Variants in LCORL observed in about 807,000 individuals in gnomAD.
LCORL encodes the protein ligand-dependent nuclear receptor corepressor-like protein.
In LCORL, 41 loss-of-function variants were observed where a neutral mutation model predicts 141.8. That is an observed-to-expected ratio of 0.29 (90% CI 0.23 to 0.38). The LOEUF (loss-of-function observed/expected upper bound fraction) is 0.38, where lower values mean the gene tolerates loss of function less well. LCORL is among the 10% of genes least tolerant of loss of function. The probability of loss-of-function intolerance (pLI) is 1.00; values close to 1 mark genes in which losing one functional copy is unlikely to be tolerated. For synonymous variants in LCORL, 618 were observed against 694.1 expected (o/e 0.89, Z 1.72); for missense variants, 1,759 against 2,035.0 (o/e 0.86, Z 2.61).
At chr4:17,945,842 C>G (rs1738789949) in intron 4 of LCORL, among the ~76,000 whole-genome samples, 1 of 151,574 alleles carries the variant, frequency 6.6e-6, no homozygotes, top group Admixed American at 6.6e-5. Flanking sequence ...ATAATTGTCA[C>G]AGTAGTTTCA....
At chr4:17,905,190 T>A (rs2109311344) in intron 5 of LCORL, among the ~76,000 whole-genome samples, 1 of 152,228 alleles carries the variant, frequency 6.6e-6, no homozygotes, top group East Asian at 1.9e-4. Flanking sequence ...AGTGTGCATT[T>A]TTTGTGTTAT....
intron 7 of LCORL, among the ~76,000 whole-genome samples, chr4:17,851,376 G>C (rs1723687340): frequency 6.6e-6 from 1 of 152,046 alleles, no homozygotes; most frequent in Non-Finnish European, 1.5e-5. Context: ...CCATTTTATT[G>C]TCTATTCTTC....
intron 1 of LCORL, among the ~76,000 whole-genome samples, chr4:17,979,189 C>T (rs1717549822): frequency 6.6e-6 from 1 of 152,164 alleles, no homozygotes; most frequent in African/African-American, 2.4e-5. Context: ...CCACTGGGCT[C>T]TTTTTAGGCC....
At chr4:17,882,231 T>G (rs1430989661) in intron 6 of LCORL, 1 of 984,538 alleles carries the variant, frequency 1.0e-6, no homozygotes, top group Admixed American at 6.2e-5. Context: ...GTGCACTTAT[T>G]TTTTAAATTC....
chr4:17,848,781 G>T (rs906562904), intron 7 of LCORL, among the ~76,000 whole-genome samples: 1 of 152,206 alleles, frequency 6.6e-6, no homozygotes. Flanking sequence ...CCTAGTCAAA[G>T]AAAGGGGTGA....
chr4:17,895,775 A>G (rs1422599049), intron 5 of LCORL, among the ~76,000 whole-genome samples: 1 of 152,144 alleles, frequency 6.6e-6, no homozygotes, highest in Non-Finnish European at 1.5e-5. Context: ...CCTATTCTAA[A>G]CATTTCATAC....
chr4:17,915,899 A>C (rs1023675459), intron 4 of LCORL, among the ~76,000 whole-genome samples: 1 of 152,192 alleles, frequency 6.6e-6, no homozygotes, highest in African/African-American at 2.4e-5. Flanking sequence ...TGTGATTCTG[A>C]ATGTTGAAGT....
intron 4 of LCORL, among the ~76,000 whole-genome samples, chr4:17,932,288 G>A (rs1458418495): frequency 6.6e-6 from 1 of 152,092 alleles, no homozygotes; most frequent in African/African-American, 2.4e-5. Flanking sequence ...ATTAGTGTCA[G>A]CTTACAGATT....
At chr4:17,969,252 G>A (rs1171715688) in intron 2 of LCORL, among the ~76,000 whole-genome samples, 1 of 152,168 alleles carries the variant, frequency 6.6e-6, no homozygotes, top group Non-Finnish European at 1.5e-5. Flanking sequence ...ACTTCTTGGA[G>A]ACCTCACTCC....
intron 7 of LCORL, among the ~76,000 whole-genome samples, chr4:17,858,506 C>G (rs1029246537): frequency 6.6e-6 from 1 of 151,602 alleles, no homozygotes; most frequent in East Asian, 1.9e-4. Flanking sequence ...AGGTGGATCA[C>G]CTGAGGTCAG....
intron 4 of LCORL, among the ~76,000 whole-genome samples, chr4:17,934,395 A>G (rs1736525229): frequency 6.6e-6 from 1 of 152,138 alleles, no homozygotes; most frequent in Admixed American, 6.5e-5. Flanking sequence ...ATTGAAAATT[A>G]AAACAAAACA....
exon 8 of LCORL, chr4:17,841,899 T>A (rs1722446957): frequency 6.4e-6 from 1 of 155,434 alleles, no homozygotes; most frequent in Non-Finnish European, 1.4e-5. Flanking sequence ...AAAAGTTGTT[T>A]CTTTAGCACC....
intron 4 of LCORL, among the ~76,000 whole-genome samples, chr4:17,909,689 G>A (rs1732193456): frequency 6.6e-6 from 1 of 152,044 alleles, no homozygotes; most frequent in Non-Finnish European, 1.5e-5. Flanking sequence ...AAAACACTCA[G>A]TATGTGAATA....
exon 7 of LCORL, chr4:17,876,688 G>T (rs1359551956): frequency 2.4e-6 from 3 of 1,230,740 alleles, no homozygotes; most frequent in Non-Finnish European, 3.0e-6. Context: ...CTGCTCAAAA[G>T]TCCAGAAACA....
At chr4:17,887,831 C>T (rs557224601) in intron 5 of LCORL, among the ~76,000 whole-genome samples, 2 of 152,210 alleles carry the variant, frequency 1.3e-5, no homozygotes, top group African/African-American at 4.8e-5. Flanking sequence ...AAGTGCTATG[C>T]TATTTCTCGT....
At chr4:17,958,116 C>T (rs1713043915) in intron 4 of LCORL, among the ~76,000 whole-genome samples, 1 of 151,662 alleles carries the variant, frequency 6.6e-6, no homozygotes. Flanking sequence ...TCCCAAAAGG[C>T]ACGGGAAAAT....
chr4:17,967,894 G>C (rs1246754318), intron 2 of LCORL, among the ~76,000 whole-genome samples: 1 of 150,446 alleles, frequency 6.6e-6, no homozygotes, highest in East Asian at 1.9e-4. Flanking sequence ...GTTCCACTCT[G>C]TTGCCCAGGC....
chr4:17,958,456 G>A (rs1335906220), intron 4 of LCORL, among the ~76,000 whole-genome samples: 1 of 151,922 alleles, frequency 6.6e-6, no homozygotes, highest in Non-Finnish European at 1.5e-5. Flanking sequence ...TCATAAGCCA[G>A]TGACTTAAAC....
At chr4:17,896,632 A>G (rs758466710) in intron 5 of LCORL, among the ~76,000 whole-genome samples, 14 of 152,280 alleles carry the variant, frequency 9.2e-5, no homozygotes, top group Non-Finnish European at 1.2e-4. Flanking sequence ...TATGGGGTAC[A>G]TGAGACATTC....
Sources: gnomAD v4.1 joint callset for allele counts (sites outside exome capture counted in the v4.1 genomes callset) on GRCh38, gnomAD v4.1.1 for gene constraint, MANE v1.5 for transcripts, NCBI Gene and HGNC (gene_info 2026-07-23, HGNC 2026-07-21) for gene names.